The following FGF19 variants were observed in gnomAD, a reference collection of about 807,000 sequenced individuals.
FGF19 encodes the protein fibroblast growth factor 19.
FGF19 carries 5 observed loss-of-function variants against 8.9 expected under a neutral mutation model. The ratio of observed to expected loss-of-function variants is 0.56; its 90% confidence interval spans 0.29 to 1.18. FGF19 has a LOEUF of 1.18. FGF19 is among the 50% of genes most tolerant of loss of function. FGF19 has a pLI of 0.08. For missense variants in FGF19, 237 were observed against 293.9 expected, an observed-to-expected ratio of 0.81 and a Z score of 1.42; for synonymous variants, 124 against 128.0, an observed-to-expected ratio of 0.97 and a Z score of 0.21.
At position 69,699,537 on chromosome 11, in the gene FGF19, T is replaced by C. The variant is rs760883667; in HGVS notation, c.376A>G (p.Ile126Val). 6.2e-7 allele frequency: 1 copy of C among 1,613,852 alleles called. No homozygotes were observed. Among genetic ancestry groups the C allele is most frequent in the South Asian group, 1.1e-5 (1 of 91,054 alleles). ...SEEDCAFEEE[I>V]RPDGYNVYRS... is the part of the protein sequence containing the mutation. Reference sequence around the variant, plus strand: ...TACACATTGTAGCCATCTGGGCGGATCTCCTCCTCGAAAGCACAGTCTTCC... The same window carrying C: ...TACACATTGTAGCCATCTGGGCGGACCTCCTCCTCGAAAGCACAGTCTTCC... Residue 126 changes from isoleucine (I) to valine (V), a missense_variant, in exon 3 of 3, where the codon ATC becomes GTC. Physicochemically the swap from Ile to Val is conservative, Grantham distance 29 (BLOSUM62 3). Transcript: ENST00000294312.
At chr11:69,699,864 A>G (rs1854749696) in intron 2 of FGF19, among the ~76,000 whole-genome samples, 1 of 152,176 alleles carries the variant, frequency 6.6e-6, no homozygotes, top group Non-Finnish European at 1.5e-5. Context: ...GAGCAGATGG[A>G]TCACCTGAAT....
At position 69,698,342 on chromosome 11, in the gene FGF19, A is replaced by G. The variant is rs959557436; in HGVS notation, c.*920T>C. Reference sequence around the variant, plus strand: ...AGAAAATAAGAGATGTACATATCAAAATAAATTACTCATAAATATCATGTT... The same window carrying G: ...AGAAAATAAGAGATGTACATATCAAGATAAATTACTCATAAATATCATGTT... On this transcript the variant is annotated 3_prime_UTR_variant, in exon 3 of 3. Transcript: ENST00000294312. 1.6e-5 allele frequency: 3 copies of G among 184,886 alleles called. No individual in the cohort carries two copies. Among genetic ancestry groups the G allele is most frequent in the African/African-American group, 4.7e-5 (2 of 42,656 alleles). The allele number at this position is 184,886 out of a possible 1,614,324, so 11.5% of individuals were successfully genotyped here. A position where few individuals can be genotyped will look rare whatever the true frequency, so the allele number is the denominator to read the frequency against.
intron 2 of FGF19, among the ~76,000 whole-genome samples, chr11:69,701,982 A>G (rs1854776833): frequency 6.6e-6 from 1 of 150,864 alleles, no homozygotes. Flanking sequence ...AAAAAAAAAA[A>G]AAAAAAAAAA....
At chr11:69,701,965 CAAAAAAAAAAA>C (rs59026695) in intron 2 of FGF19, among the ~76,000 whole-genome samples, 56 of 72,886 alleles carry the variant, frequency 7.7e-4, no homozygotes, top group African/African-American at 3.7e-3. Flanking sequence ...AAGACTCTGC[CAAAAAAAAAAA>C]AAAAAAAAAA....
Position 69,703,824 on chromosome 11 carries a change from A to C in FGF19, c.53T>G (p.Leu18Arg). ...GGCGAGGGGGCGCCCGGCCACGGCC[A>C]GCCAGAGGCCGGCCAGGATCCATAC... The part of the protein sequence containing the change: ...VHVWILAGLW[L>R]AVAGRPLAFS... Residue 18 changes from leucine to arginine, a missense_variant, in exon 1 of 3, where the codon CTG becomes CGG. Leu to Arg is a moderately radical substitution (Grantham distance 102). Coordinates refer to ENST00000294312, the MANE Select transcript of FGF19 (RefSeq NM_005117.3). The surrounding 1 kb of genome is among the most constrained non-coding windows in gnomAD (Gnocchi z 6.8). 1 of 1,236,236 alleles carries C rather than the reference A, an allele frequency of 8.1e-7. No individual in the cohort carries two copies. Among genetic ancestry groups the C allele is most frequent in the Non-Finnish European group, 1.0e-6 (1 of 989,998 alleles). 76.6% of individuals were successfully genotyped at this position (1,236,236 alleles called of 1,614,324 possible). A position where few individuals can be genotyped will look rare whatever the true frequency, so the allele number is the denominator to read the frequency against.
Position 69,702,502 on chromosome 11 carries a change from C to T in FGF19, c.336+759G>A, listed in dbSNP as rs1854785609. ...CGGGGCCGCGGGAGGGGCGCGGGTT[C>T]GTTCCTTTGAACTCCCAGCCTTTGT... is the stretch of plus-strand genomic sequence containing the variant. On this transcript the variant is annotated intron_variant, in intron 2 of 2. Coordinates refer to ENST00000294312, the MANE Select transcript of FGF19 (RefSeq NM_005117.3). This position sits in a 1 kb window ranked among gnomAD's most constrained non-coding sequence, Gnocchi z 4.6. Among the ~76,000 whole-genome samples the T allele has an allele frequency of 6.6e-6, 1 of 152,094 alleles. No individual in the cohort carries two copies. The highest frequency in any genetic ancestry group is 6.5e-5 in the Admixed American group (1 of 15,284).
At position 69,703,199 on chromosome 11, in the gene FGF19, C is replaced by T. The variant is rs1854795740; in HGVS notation, c.336+62G>A. ...ACCAGCGCCTTTCTCTCCTTCAGGC[C>T]TCCGCCCGGGGACAGGCGCCGGTCC... is the stretch of plus-strand genomic sequence containing the variant. On this transcript the variant is annotated intron_variant, in intron 2 of 2. Coordinates refer to ENST00000294312, the MANE Select transcript of FGF19 (RefSeq NM_005117.3). The surrounding 1 kb of genome is among the most constrained non-coding windows in gnomAD (Gnocchi z 6.8). 2.4e-5 allele frequency: 29 copies of T among 1,230,942 alleles called. No homozygotes were observed. In the South Asian group the frequency reaches 4.0e-4, roughly 17 times the overall value. The allele number at this position is 1,230,942 out of a possible 1,614,324, so 76.3% of individuals were successfully genotyped here. A position where few individuals can be genotyped will look rare whatever the true frequency, so the allele number is the denominator to read the frequency against.
Position 69,703,883 on chromosome 11 carries a change from TC to T in FGF19, c.-8del. On this transcript the variant is annotated 5_prime_UTR_variant, in exon 1 of 3. Coordinates refer to ENST00000294312, the MANE Select transcript of FGF19 (RefSeq NM_005117.3). The surrounding 1 kb of genome is among the most constrained non-coding windows in gnomAD (Gnocchi z 6.8). ...CCACACACCCGCTCCGCATGGCACC[TC>T]CCTGGGGCTCTCGGCGCAGCTCCGG... is the stretch of plus-strand genomic sequence containing the variant. 8.0e-7 allele frequency: 1 copy of T among 1,246,152 alleles called. No homozygotes were observed. The highest frequency in any genetic ancestry group is 4.2e-5 in the Admixed American group (1 of 23,882). The allele number at this position is 1,246,152 out of a possible 1,614,324, so 77.2% of individuals were successfully genotyped here.
rs1463809062 is a variant in FGF19 at position 69,703,741 on chromosome 11, G to A, written c.136C>T (p.His46Tyr). Residue 46 changes from histidine to tyrosine, a missense_variant, in exon 1 of 3, where the codon CAC (histidine) becomes TAC (tyrosine). Coordinates refer to ENST00000294312, the MANE Select transcript of FGF19 (RefSeq NM_005117.3). The surrounding 1 kb of genome is among the most constrained non-coding windows in gnomAD (Gnocchi z 6.8). The stretch of plus-strand genomic sequence containing the variant: ...CCGTGGGGGCCGGAGGTGTACAGGT[G>A]CCGCAGGCGGATGGGGTCGCCCCAG... ...YGWGDPIRLR[H>Y]LYTSGPHGLS... The A allele has an allele frequency of 8.1e-7, 1 of 1,233,724 alleles. No individual in the cohort carries two copies. The highest frequency in any genetic ancestry group is 1.0e-6 in the Non-Finnish European group (1 of 988,634). 76.4% of individuals were successfully genotyped at this position (1,233,724 alleles called of 1,614,324 possible). A position where few individuals can be genotyped will look rare whatever the true frequency, so the allele number is the denominator to read the frequency against.
At position 69,702,283 on chromosome 11, in the gene FGF19, ACT is replaced by A. The variant is rs1056513050; in HGVS notation, c.336+976_336+977del. On this transcript the variant is annotated intron_variant, in intron 2 of 2. Coordinates refer to ENST00000294312, the MANE Select transcript of FGF19 (RefSeq NM_005117.3). The surrounding 1 kb of genome is among the most constrained non-coding windows in gnomAD (Gnocchi z 4.6). ...GGCAGAGGCACCGAGCAATTTTGAG[ACT>A]CTAAAATGCTTTGTCCCGCTGTTCA... Among the ~76,000 whole-genome samples, 1 of 151,896 alleles carries A rather than the reference ACT, an allele frequency of 6.6e-6. No homozygotes were observed. The highest frequency in any genetic ancestry group is 2.4e-5 in the African/African-American group (1 of 41,320).
In FGF19 at chr11:69,703,744, G is replaced by T; in HGVS notation, c.133C>A (p.Arg45=). Residue 45 remains arginine (R), a synonymous_variant, in exon 1 of 3, where the codon CGG becomes AGG. Transcript: ENST00000294312. This position sits in a 1 kb window ranked among gnomAD's most constrained non-coding sequence, Gnocchi z 6.8. ...HYGWGDPIRL[R]HLYTSGPHGL... ...TGGGGGCCGGAGGTGTACAGGTGCC[G>T]CAGGCGGATGGGGTCGCCCCAGCCG... 2.4e-6 allele frequency: 3 copies of T among 1,233,830 alleles called. No homozygotes were observed. The highest frequency in any genetic ancestry group is 8.1e-5 in the South Asian group (2 of 24,682). 76.4% of individuals were successfully genotyped at this position (1,233,830 alleles called of 1,614,324 possible).
chr11:69,699,085 C>A lies in FGF19; in HGVS notation c.*177G>T. 1 of 597,476 alleles carries A rather than the reference C, an allele frequency of 1.7e-6. No homozygotes were observed. The highest frequency in any genetic ancestry group is 3.0e-6 in the Non-Finnish European group (1 of 337,998). The allele number at this position is 597,476 out of a possible 1,614,324, so 37.0% of individuals were successfully genotyped here. ...CTTACAATGTTATGATCAGACAAGT[C>A]TATTGGCTAGAAACTGGCACTGCCA... On this transcript the variant is annotated 3_prime_UTR_variant, in exon 3 of 3. Coordinates refer to ENST00000294312, the MANE Select transcript of FGF19 (RefSeq NM_005117.3).
In FGF19 at chr11:69,702,442, C is replaced by T. The variant is rs1001323860; in HGVS notation, c.336+819G>A. On this transcript the variant is annotated intron_variant, in intron 2 of 2. Transcript: ENST00000294312. This position sits in a 1 kb window ranked among gnomAD's most constrained non-coding sequence, Gnocchi z 4.6. ...AGTCCGGGGCTGCGTGTGAGGCCTGCGCGGGCCGAGACCTCACACAGCCTC... is the reference window on the plus strand; with the variant it reads ...AGTCCGGGGCTGCGTGTGAGGCCTGTGCGGGCCGAGACCTCACACAGCCTC... Among the ~76,000 whole-genome samples, 7 of 151,962 alleles carry T rather than the reference C, an allele frequency of 4.6e-5. No homozygotes were observed. Among genetic ancestry groups the T allele is most frequent in the East Asian group, 1.9e-4 (1 of 5,142 alleles).
At chr11:69,700,173 A>G (rs1176276374) in intron 2 of FGF19, among the ~76,000 whole-genome samples, 1 of 152,148 alleles carries the variant, frequency 6.6e-6, no homozygotes, top group East Asian at 1.9e-4. Context: ...AAGTGTAAGC[A>G]TATATAATAT....
intron 2 of FGF19, 143 bp from the exon 3 acceptor site, chr11:69,699,719 T>G: frequency 1.6e-6 from 1 of 610,196 alleles, no homozygotes; most frequent in Non-Finnish European, 2.9e-6. Context: ...TTATACATAC[T>G]TCCTGATGTA....
At chr11:69,700,930 A>G (rs1219333356) in intron 2 of FGF19, among the ~76,000 whole-genome samples, 2 of 152,260 alleles carry the variant, frequency 1.3e-5, no homozygotes, top group African/African-American at 4.8e-5. Context: ...GGACAGGCGC[A>G]GGCGGGAGCC....
Position 69,703,217 on chromosome 11 carries a change from G to T in FGF19, c.336+44C>A. 1 of 1,405,182 alleles carries T rather than the reference G, an allele frequency of 7.1e-7. No homozygotes were observed. The highest frequency in any genetic ancestry group is 9.8e-7 in the Non-Finnish European group (1 of 1,020,062). 87.0% of individuals were successfully genotyped at this position (1,405,182 alleles called of 1,614,324 possible). ...TTCAGGCCTCCGCCCGGGGACAGGC[G>T]CCGGTCCCCCGCCCCGGCGCATCCG... is the stretch of plus-strand genomic sequence containing the variant. On this transcript the variant is annotated intron_variant, in intron 2 of 2. Coordinates refer to ENST00000294312, the MANE Select transcript of FGF19 (RefSeq NM_005117.3). The surrounding 1 kb of genome is among the most constrained non-coding windows in gnomAD (Gnocchi z 6.8).
At chr11:69,701,964 C>CAAAA (rs1854776020) in intron 2 of FGF19, among the ~76,000 whole-genome samples, 1 of 18,696 alleles carries the variant, frequency 5.3e-5, no homozygotes, top group African/African-American at 2.9e-4. Flanking sequence ...CAAGACTCTG[C>CAAAA]CAAAAAAAAA....
In FGF19 at chr11:69,699,046, G is replaced by A; in HGVS notation, c.*216C>T. On this transcript the variant is annotated 3_prime_UTR_variant, in exon 3 of 3. Coordinates refer to ENST00000294312, the MANE Select transcript of FGF19 (RefSeq NM_005117.3). ...CAGAATGGGGGCCCAGGCAGCAGCT[G>A]GGCAAGCTACAGGCTTACAATGTTA... 3.7e-6 allele frequency: 2 copies of A among 543,224 alleles called. No individual in the cohort carries two copies. The highest frequency in any genetic ancestry group is 6.5e-6 in the Non-Finnish European group (2 of 307,850). 33.7% of individuals were successfully genotyped at this position (543,224 alleles called of 1,614,324 possible). A position where few individuals can be genotyped will look rare whatever the true frequency, so the allele number is the denominator to read the frequency against.
Sources: gnomAD v4.1 joint callset for allele counts (sites outside exome capture counted in the v4.1 genomes callset) on GRCh38, gnomAD v4.1.1 for gene constraint, Gnocchi (gnomAD v3.1) non-coding constraint, MANE v1.5 for transcripts, NCBI Gene and HGNC (gene_info 2026-07-23, HGNC 2026-07-21) for gene names.